Variants in SLC35E3 observed in about 807,000 individuals in gnomAD.
SLC35E3 encodes bladder cancer-overexpressed gene 1 protein.
In SLC35E3, 28 loss-of-function variants were observed where a neutral mutation model predicts 30.8. The ratio of observed to expected loss-of-function variants is 0.91; its 90% CI spans 0.67 to 1.25. SLC35E3 has a LOEUF of 1.25. Ranked by LOEUF, SLC35E3 falls within the 50% of genes most tolerant of loss-of-function variation. The probability of loss-of-function intolerance (pLI) is 0.00; values close to 1 mark genes in which losing one functional copy is unlikely to be tolerated. For missense variants in SLC35E3, 365 were observed against 375.4 expected, an observed-to-expected ratio of 0.97 and a Z score of 0.23; for synonymous variants, 146 against 149.2, an observed-to-expected ratio of 0.98 and a Z score of 0.16.
chr12:68,748,686 G>T (rs1004196298), intron 2 of SLC35E3, among the ~76,000 whole-genome samples: 3 of 152,092 alleles, frequency 2.0e-5, no homozygotes, highest in Admixed American at 1.3e-4. Flanking sequence ...TATGGTTTTT[G>T]ATTCTTATTT....
At chr12:68,759,907 T>TAC in intron 4 of SLC35E3, 1 of 152,364 alleles carries the variant, frequency 6.6e-6, no homozygotes. Context: ...TTTCAGGTAT[T>TAC]TCTAGTAACA....
Position 68,766,331 on chromosome 12 carries a change from A to C in SLC35E3, c.*1441A>C, listed in dbSNP as rs1879414063. The C allele has an allele frequency of 6.6e-6, 1 of 152,226 alleles. No homozygotes were observed. The highest frequency in any genetic ancestry group is 1.5e-5 in the Non-Finnish European group (1 of 68,178). 9.4% of individuals were successfully genotyped at this position (152,226 alleles called of 1,614,324 possible). A position where few individuals can be genotyped will look rare whatever the true frequency, so the allele number is the denominator to read the frequency against. ...GAGGAATCCCGTCTCTACTAAAAAT[A>C]CAAAATTAGCCAGGCATGGTGGCAC... On this transcript the variant is annotated 3_prime_UTR_variant, in exon 5 of 5. Coordinates refer to ENST00000398004, the MANE Select transcript of SLC35E3 (RefSeq NM_018656.5).
At chr12:68,747,623 G>A (rs905810661) in intron 1 of SLC35E3, among the ~76,000 whole-genome samples, 13 of 152,142 alleles carry the variant, frequency 8.5e-5, no homozygotes, top group African/African-American at 3.1e-4. Context: ...ATGCTGTTTA[G>A]ACACTAGTTT....
chr12:68,760,196 A>C (rs926050692), intron 4 of SLC35E3: 2 of 152,554 alleles, frequency 1.3e-5, no homozygotes, highest in Non-Finnish European at 2.9e-5. Context: ...AAAAAATAGA[A>C]ATGAAGTTAT....
chr12:68,767,535 A>T lies in SLC35E3; in HGVS notation c.*2645A>T, dbSNP rs1418589803. The T allele has an allele frequency of 1.3e-5, 2 of 148,514 alleles. No homozygotes were observed. The highest frequency in any genetic ancestry group is 2.4e-5 in the African/African-American group (1 of 41,026). 9.2% of individuals were successfully genotyped at this position (148,514 alleles called of 1,614,324 possible). A position where few individuals can be genotyped will look rare whatever the true frequency, so the allele number is the denominator to read the frequency against. On this transcript the variant is annotated 3_prime_UTR_variant, in exon 5 of 5. Transcript: ENST00000398004. The stretch of plus-strand genomic sequence containing the variant: ...TGTCTCGGGAAAAAAAAAAAAAAAA[A>T]AAGGGAAGAGCGACAAAATATACCT...
intron 4 of SLC35E3, among the ~76,000 whole-genome samples, chr12:68,760,482 A>G (rs1252315877): frequency 6.6e-6 from 1 of 152,202 alleles, no homozygotes; most frequent in African/African-American, 2.4e-5. Flanking sequence ...TCTGTGAGGT[A>G]AAGTCTGTCA....
chr12:68,759,228 T>G lies in SLC35E3; in HGVS notation c.744T>G (p.Thr248=), dbSNP rs1271592215. The G allele has an allele frequency of 4.3e-6, 7 of 1,612,162 alleles. No individual in the cohort carries two copies. The highest frequency in any genetic ancestry group is 5.9e-6 in the Non-Finnish European group (7 of 1,178,388). ...CAATTTATTGGATCATTGGGAACACTTCACCTGTCACGTATCCTTTTCATA... is the reference window on the plus strand; with the variant it reads ...CAATTTATTGGATCATTGGGAACACGTCACCTGTCACGTATCCTTTTCATA... ...NLSIYWIIGN[T]SPVTYNMFGH... is the part of the protein sequence containing the mutation. The change falls in exon 4 of 5, where the codon ACT becomes ACG. Residue 248 remains threonine (T), a synonymous_variant. Transcript: ENST00000398004.
At position 68,769,652 on chromosome 12, in the gene SLC35E3, TG is replaced by T. The variant is rs1171576815; in HGVS notation, c.*4763del. 7.6e-4 allele frequency: 115 copies of T among 152,100 alleles called. No homozygotes were observed. Among genetic ancestry groups the T allele is most frequent in the Admixed American group, 7.5e-3 (115 of 15,244 alleles). 9.4% of individuals were successfully genotyped at this position (152,100 alleles called of 1,614,324 possible). On this transcript the variant is annotated 3_prime_UTR_variant, in exon 5 of 5. Coordinates refer to ENST00000398004, the MANE Select transcript of SLC35E3 (RefSeq NM_018656.5). The stretch of plus-strand genomic sequence containing the variant: ...GCAGCCTGGGCAACAAGAGCAAAAC[TG>T]TCTCAAATAAATAAATAATAAAAGA...
chr12:68,746,604 G>A lies in SLC35E3; in HGVS notation c.227G>A (p.Arg76Lys). 1 of 1,614,236 alleles carries A rather than the reference G, an allele frequency of 6.2e-7. No individual in the cohort carries two copies. Among genetic ancestry groups the A allele is most frequent in the Admixed American group, 1.7e-5 (1 of 60,032 alleles). The change falls in exon 1 of 5, where the codon AGG becomes AAG. Residue 76 changes from arginine (R) to lysine (K), a missense_variant. Transcript: ENST00000398004. ...GCCCCCAAAAGTCTGCCGCCCTCCA[G>A]GCTCCTCCTCCTGGCCCTCAGCTTC... ...IFAPKSLPPSRLLLLALSFCG... is the reference protein window; with the variant it reads ...IFAPKSLPPSKLLLLALSFCG...
intron 2 of SLC35E3, among the ~76,000 whole-genome samples, chr12:68,751,521 T>C (rs1267489130): frequency 6.6e-6 from 1 of 152,136 alleles, no homozygotes; most frequent in South Asian, 2.1e-4. Context: ...CTCGGACTCC[T>C]GACCTCAGGT....
chr12:68,761,243 T>C (rs1255148681), intron 4 of SLC35E3, among the ~76,000 whole-genome samples: 1 of 152,146 alleles, frequency 6.6e-6, no homozygotes, highest in Non-Finnish European at 1.5e-5. Flanking sequence ...TGATTTTACA[T>C]ACATTCTAAT....
rs150735677 is a variant in SLC35E3 at position 68,751,513 on chromosome 12, C to T, written c.514-519C>T. ...TTCACCATGTTGGCCAGGCTGGTCT[C>T]GGACTCCTGACCTCAGGTTATCTGC... On this transcript the variant is annotated intron_variant, in intron 2 of 4. Coordinates refer to ENST00000398004, the MANE Select transcript of SLC35E3 (RefSeq NM_018656.5). Among the ~76,000 whole-genome samples the T allele has an allele frequency of 1.2e-3, 176 of 152,180 alleles. 1 individual carries two copies. Among genetic ancestry groups the T allele is most frequent in the African/African-American group, 4.0e-3 (168 of 41,526 alleles).
At chr12:68,748,942 T>C (rs1878694454) in intron 2 of SLC35E3, among the ~76,000 whole-genome samples, 1 of 152,242 alleles carries the variant, frequency 6.6e-6, no homozygotes, top group African/African-American at 2.4e-5. Context: ...TCAGAGACAG[T>C]ATTTGAAAAT....
Position 68,770,046 on chromosome 12 carries a change from A to C in SLC35E3, c.*5156A>C, listed in dbSNP as rs1412844161. 1 of 152,236 alleles carries C rather than the reference A, an allele frequency of 6.6e-6. No homozygotes were observed. The highest frequency in any genetic ancestry group is 1.5e-5 in the Non-Finnish European group (1 of 68,068). 9.4% of individuals were successfully genotyped at this position (152,236 alleles called of 1,614,324 possible). On this transcript the variant is annotated 3_prime_UTR_variant, in exon 5 of 5. Coordinates refer to ENST00000398004, the MANE Select transcript of SLC35E3 (RefSeq NM_018656.5). Reference sequence around the variant, plus strand: ...GGCTTGGCACTTGTGGAGGGAGTCCATGAGGAAAGTTTGAGCTGCAGTCAT... The same window carrying C: ...GGCTTGGCACTTGTGGAGGGAGTCCCTGAGGAAAGTTTGAGCTGCAGTCAT...
At position 68,752,082 on chromosome 12, in the gene SLC35E3, G is replaced by A. The variant is rs773823487; in HGVS notation, c.564G>A (p.Leu188=). ...HELQVNSMQL[L]YYQAPMSSAM... is the part of the protein sequence containing the mutation. Reference sequence around the variant, plus strand: ...TACAAGTGAACTCAATGCAGCTGCTGTACTACCAGGCTCCGATGTCATCTG... The same window carrying A: ...TACAAGTGAACTCAATGCAGCTGCTATACTACCAGGCTCCGATGTCATCTG... Residue 188 remains leucine (L), a synonymous_variant, in exon 3 of 5, where the codon CTG becomes CTA. Transcript: ENST00000398004. The A allele has an allele frequency of 3.1e-6, 5 of 1,613,236 alleles. No homozygotes were observed. In the African/African-American group the frequency reaches 4.0e-5, roughly 13 times the overall value.
chr12:68,746,765 A>G lies in SLC35E3; in HGVS notation c.388A>G (p.Ile130Val). ...FCYQKTFSTR[I>V]QLTLIPITLG... ...CTACCAGAAAACCTTCTCCACCAGA[A>G]TCCAGCTCACGCTGGTGAGTAGCTT... is the stretch of plus-strand genomic sequence containing the variant. Residue 130 changes from isoleucine to valine, a missense_variant, in exon 1 of 5, where the codon ATC becomes GTC. By Grantham distance (29) the Ile-to-Val change is conservative (BLOSUM62 3). Transcript: ENST00000398004. 4 of 1,589,066 alleles carry G rather than the reference A, an allele frequency of 2.5e-6. No homozygotes were observed. Among genetic ancestry groups the G allele is most frequent in the Non-Finnish European group, 3.4e-6 (4 of 1,163,986 alleles).
Position 68,746,552 on chromosome 12 carries a change from T to A in SLC35E3, c.175T>A (p.Tyr59Asn), listed in dbSNP as rs760453899. 2 of 1,614,248 alleles carry A rather than the reference T, an allele frequency of 1.2e-6. No homozygotes were observed. The highest frequency in any genetic ancestry group is 2.2e-5 in the South Asian group (2 of 91,086). ...CTTCGTGGTCACCTGGCTGGGCTTG[T>A]ATATCTGCCAGAAGCTGGACATCTT... ...VHFVVTWLGL[Y>N]ICQKLDIFAP... Residue 59 changes from tyrosine to asparagine, a missense_variant, in exon 1 of 5, where the codon TAT becomes AAT. Physicochemically the swap from Tyr to Asn is moderately radical, Grantham distance 143 (BLOSUM62 -2). Coordinates refer to ENST00000398004, the MANE Select transcript of SLC35E3 (RefSeq NM_018656.5).
intron 3 of SLC35E3, among the ~76,000 whole-genome samples, chr12:68,757,102 C>T (rs1879047737): frequency 6.6e-6 from 1 of 152,160 alleles, no homozygotes; most frequent in African/African-American, 2.4e-5. Flanking sequence ...GATTAAAACC[C>T]TTGGCAAAAT....
At chr12:68,753,076 G>A (rs1878862849) in intron 3 of SLC35E3, among the ~76,000 whole-genome samples, 1 of 150,272 alleles carries the variant, frequency 6.7e-6, no homozygotes, top group Non-Finnish European at 1.5e-5. Context: ...GAACCCGTGA[G>A]GTGGAGGTGC....
Sources: gnomAD v4.1 joint callset for allele counts (sites outside exome capture counted in the v4.1 genomes callset) on GRCh38, gnomAD v4.1.1 for gene constraint, MANE v1.5 for transcripts, NCBI Gene and HGNC (gene_info 2026-07-23, HGNC 2026-07-21) for gene names.